Variants in FOXP2 observed in about 807,000 individuals in gnomAD.
The protein encoded by FOXP2 is forkhead box protein P2.
A neutral mutation model predicts 115.8 loss-of-function variants in FOXP2; 12 were observed. The observed-to-expected ratio is 0.10, with a 90% CI of 0.07 to 0.17. The LOEUF is 0.17. Ranked by LOEUF, FOXP2 falls within the 10% of genes least tolerant of loss-of-function variation. The pLI, the probability that FOXP2 is intolerant of heterozygous loss-of-function variation, is 1.00. For synonymous variants in FOXP2, 328 were observed against 297.7 expected (o/e 1.10, Z -1.05); for missense variants, 629 against 843.5 (o/e 0.75, Z 3.15).
chr7:114,644,322 C>T (rs1449750420), intron 7 of FOXP2, among the ~76,000 whole-genome samples: 1 of 152,070 alleles, frequency 6.6e-6, no homozygotes, highest in Admixed American at 6.5e-5. Flanking sequence ...GATGGCTGTC[C>T]TATTATTCTC....
At chr7:114,479,189 G>A (rs2129235926) in intron 2 of FOXP2, among the ~76,000 whole-genome samples, 1 of 151,746 alleles carries the variant, frequency 6.6e-6, no homozygotes, top group Middle Eastern at 3.4e-3. Flanking sequence ...TTTTGTTTTT[G>A]TTGTTTAAAT....
chr7:114,402,620 ATT>A (rs1404850998), intron 2 of FOXP2, among the ~76,000 whole-genome samples: 33 of 140,136 alleles, frequency 2.4e-4, no homozygotes, highest in Admixed American at 3.6e-4. Flanking sequence ...CATGCAAGCA[ATT>A]TTTTTTTTTT....
At chr7:114,288,979 A>G (rs1417345701) in intron 2 of FOXP2, among the ~76,000 whole-genome samples, 2 of 151,832 alleles carry the variant, frequency 1.3e-5, no homozygotes, top group South Asian at 2.1e-4. Flanking sequence ...TGAGCATAGT[A>G]TAGGCCTCAG....
intron 2 of FOXP2, among the ~76,000 whole-genome samples, chr7:114,519,935 G>T (rs1378628435): frequency 2.0e-5 from 3 of 152,006 alleles, no homozygotes; most frequent in Non-Finnish European, 4.4e-5. Context: ...AAACCAAAAT[G>T]ATTAATTTAA....
intron 1 of FOXP2, among the ~76,000 whole-genome samples, chr7:114,132,462 T>TG (rs1414038155): frequency 4.0e-5 from 6 of 151,388 alleles, no homozygotes; most frequent in African/African-American, 1.5e-4. Flanking sequence ...GAGGGGAAAC[T>TG]GACAAATAAA....
intron 2 of FOXP2, among the ~76,000 whole-genome samples, chr7:114,520,937 A>G (rs1416843192): frequency 6.6e-6 from 1 of 152,122 alleles, no homozygotes; most frequent in Non-Finnish European, 1.5e-5. Flanking sequence ...AGATAATTAC[A>G]AGGCTGTCTT....
chr7:114,617,071 C>T (rs567873586), intron 3 of FOXP2, among the ~76,000 whole-genome samples: 64 of 152,248 alleles, frequency 4.2e-4, no homozygotes, highest in Admixed American at 7.9e-4. Flanking sequence ...AGCAACAGAG[C>T]GTGCGACTCT....
At chr7:114,390,514 T>TTATTTATGTATTTATG (rs1488873640) in intron 2 of FOXP2, among the ~76,000 whole-genome samples, 54 of 129,456 alleles carry the variant, frequency 4.2e-4, no homozygotes, top group East Asian at 2.4e-3. Context: ...TACTTTTGTT[T>TTATTTATGTATTTATG]TATTTATGTA....
chr7:114,294,388 G>C (rs1796683812), intron 2 of FOXP2, among the ~76,000 whole-genome samples: 1 of 152,130 alleles, frequency 6.6e-6, no homozygotes, highest in African/African-American at 2.4e-5. Flanking sequence ...TTATGGAGGT[G>C]TAAATACTAG....
intron 2 of FOXP2, among the ~76,000 whole-genome samples, chr7:114,396,530 G>A (rs960318212): frequency 3.9e-5 from 6 of 151,952 alleles, no homozygotes. Context: ...GGATTCAGTA[G>A]TCCTATTTTT....
chr7:114,282,719 T>C (rs1238910197), intron 1 of FOXP2, among the ~76,000 whole-genome samples: 1 of 152,150 alleles, frequency 6.6e-6, no homozygotes, highest in African/African-American at 2.4e-5. Flanking sequence ...ACTGCTTTAA[T>C]CAAAGTGGGA....
At position 114,357,757 on chromosome 7, in the gene FOXP2, A is replaced by AT. The variant is rs926570284; in HGVS notation, c.-10-68736dup. 3.8e-4 allele frequency among the ~76,000 whole-genome samples: 57 copies of AT among 151,460 alleles called. 1 individual carries two copies. In the Middle Eastern group the frequency reaches 0.017, roughly 45 times the overall value. ...AGTGGATACTTGGATGCCTACTTTG[A>AT]TTTTTTTTTCAACATTTATTCCACT... On this transcript the variant is annotated intron_variant, in intron 2 of 17. Transcript: ENST00000634411.
chr7:114,655,494 C>G (rs577193471), intron 10 of FOXP2, among the ~76,000 whole-genome samples: 2 of 152,084 alleles, frequency 1.3e-5, no homozygotes, highest in East Asian at 3.9e-4. Context: ...TAAAATGAAA[C>G]CACAGTTTAA....
In FOXP2 at chr7:114,446,190, A is replaced by G. The variant is rs184303175; in HGVS notation, c.168+19511A>G. ...TGTCAAAGAAGTTTTATAGGCTTTGATAATTTAATTACAATTCTAAAGTCC... is the reference window on the plus strand; with the variant it reads ...TGTCAAAGAAGTTTTATAGGCTTTGGTAATTTAATTACAATTCTAAAGTCC... On this transcript the variant is annotated intron_variant, in intron 2 of 16. Coordinates refer to ENST00000350908, the MANE Select transcript of FOXP2 (RefSeq NM_014491.4). Among the ~76,000 whole-genome samples the G allele has an allele frequency of 5.8e-4, 89 of 152,188 alleles. No individual in the cohort carries two copies. The East Asian group carries it at 0.015, about 26-fold the overall frequency.
intron 2 of FOXP2, among the ~76,000 whole-genome samples, chr7:114,289,425 T>C (rs1796541017): frequency 2.6e-5 from 4 of 151,900 alleles, no homozygotes; most frequent in African/African-American, 9.7e-5. Flanking sequence ...ACACTCAGTC[T>C]TTTTTGTGGT....
At chr7:114,583,658 G>A (rs1801979650) in intron 3 of FOXP2, among the ~76,000 whole-genome samples, 1 of 152,178 alleles carries the variant, frequency 6.6e-6, no homozygotes, top group African/African-American at 2.4e-5. Context: ...GAAAATAGTT[G>A]TCTGTTCACC....
chr7:114,565,085 T>G lies in FOXP2; in HGVS notation c.258+30379T>G, dbSNP rs548968358. ...TTCTCTTTTTTCTAATGCCTTATTTTATTGTATGCAACCAATTTTTTTTTT... is the reference window on the plus strand; with the variant it reads ...TTCTCTTTTTTCTAATGCCTTATTTGATTGTATGCAACCAATTTTTTTTTT... On this transcript the variant is annotated intron_variant, in intron 3 of 16. Coordinates refer to ENST00000350908, the MANE Select transcript of FOXP2 (RefSeq NM_014491.4). Among the ~76,000 whole-genome samples the G allele has an allele frequency of 2.6e-5, 4 of 151,952 alleles. 1 individual carries two copies. In the South Asian group the frequency reaches 8.3e-4, roughly 32 times the overall value.
chr7:114,546,278 C>A (rs1799920149), intron 3 of FOXP2, among the ~76,000 whole-genome samples: 1 of 151,982 alleles, frequency 6.6e-6, no homozygotes, highest in Non-Finnish European at 1.5e-5. Flanking sequence ...TTAAGCCCTT[C>A]TGATCTGTTA....
At chr7:114,659,273 C>A in intron 11 of FOXP2, 83 bp from the exon 12 acceptor site, 1 of 1,008,736 alleles carries the variant, frequency 9.9e-7, no homozygotes, top group Non-Finnish European at 1.6e-6. Context: ...AATCACTTTA[C>A]CAATACTAGA....
Sources: allele counts gnomAD v4.1 joint callset (sites outside exome capture counted in the v4.1 genomes callset), GRCh38; gene constraint gnomAD v4.1.1; transcripts MANE v1.5; gene names NCBI Gene and HGNC (gene_info 2026-07-23, HGNC 2026-07-21).